Variants in EFL1 observed in about 807,000 individuals in gnomAD.
EFL1 encodes the protein elongation factor like GTPase 1.
Under a neutral mutation model 126.7 loss-of-function variants are expected in EFL1, and 76 were observed. That is an observed-to-expected ratio of 0.60 (90% confidence interval 0.50 to 0.73). The LOEUF (loss-of-function observed/expected upper bound fraction) is 0.73. EFL1 is among the 30% of genes least tolerant of loss of function. EFL1 has a pLI of 0.00. For synonymous variants in EFL1, 410 were observed against 448.4 expected (o/e 0.91, Z 1.08); for missense variants, 1,128 against 1,343.2 (o/e 0.84, Z 2.50).
chr15:82,148,582 G>C (rs1466297147), intron 18 of EFL1, among the ~76,000 whole-genome samples: 1 of 152,096 alleles, frequency 6.6e-6, no homozygotes, highest in African/African-American at 2.4e-5. Context: ...TGAGGAGAAT[G>C]GTGAACAAAC....
At chr15:82,260,767 T>C (rs1388276750) in intron 2 of EFL1, among the ~76,000 whole-genome samples, 1 of 152,216 alleles carries the variant, frequency 6.6e-6, no homozygotes, top group African/African-American at 2.4e-5. Context: ...ACTCAACTCT[T>C]ATCCCAGTTC....
intron 19 of EFL1, among the ~76,000 whole-genome samples, chr15:82,131,826 T>TTTTTTAAAAA (rs1394969058): frequency 6.6e-5 from 10 of 152,082 alleles, no homozygotes; most frequent in Non-Finnish European, 1.5e-4. Flanking sequence ...TTATGTTGTA[T>TTTTTTAAAAA]GAATTTCACC....
At chr15:82,130,840 T>TACAACA (rs61308871) in intron 19 of EFL1, among the ~76,000 whole-genome samples, 4 of 151,084 alleles carry the variant, frequency 2.6e-5, no homozygotes, top group South Asian at 2.1e-4. Flanking sequence ...TCTACTAAAA[T>TACAACA]ACAACAACAA....
At chr15:82,225,060 G>A in intron 12 of EFL1, 105 bp downstream of exon 12, 1 of 730,646 alleles carries the variant, frequency 1.4e-6, no homozygotes, top group South Asian at 2.4e-5. Flanking sequence ...ATTCTGGGTT[G>A]AGGAGGAAAA....
intron 2 of EFL1, among the ~76,000 whole-genome samples, chr15:82,260,566 A>G (rs1244645454): frequency 1.3e-5 from 2 of 152,240 alleles, no homozygotes; most frequent in African/African-American, 4.8e-5. Flanking sequence ...AATAGTAGAC[A>G]TTAATGATCG....
chr15:82,168,068 T>G (rs1177846491), intron 15 of EFL1, among the ~76,000 whole-genome samples: 1 of 152,112 alleles, frequency 6.6e-6, no homozygotes. Context: ...AAGTACAAGC[T>G]CCCCAGGTAG....
Position 82,262,700 on chromosome 15 carries a change from C to T in EFL1, c.-106G>A, listed in dbSNP as rs1381152533. 4.5e-6 allele frequency: 3 copies of T among 659,798 alleles called. No individual in the cohort carries two copies. Among genetic ancestry groups the T allele is most frequent in the Non-Finnish European group, 7.4e-6 (3 of 404,070 alleles). 40.9% of individuals were successfully genotyped at this position (659,798 alleles called of 1,614,324 possible). A position where few individuals can be genotyped will look rare whatever the true frequency, so the allele number is the denominator to read the frequency against. On this transcript the variant is annotated 5_prime_UTR_variant, in exon 1 of 20. Coordinates refer to ENST00000268206, the MANE Select transcript of EFL1 (RefSeq NM_024580.6). ...CCGAAAGTCCGAGAGCTCTGCGGGTCCGACACGCCCGCGCGCCAGGGGGCG... is the reference window on the plus strand; with the variant it reads ...CCGAAAGTCCGAGAGCTCTGCGGGTTCGACACGCCCGCGCGCCAGGGGGCG...
chr15:82,154,674 C>T (rs145227063), intron 17 of EFL1, among the ~76,000 whole-genome samples: 13 of 152,296 alleles, frequency 8.5e-5, no homozygotes, highest in Middle Eastern at 3.4e-3. Context: ...TAACTGCTAT[C>T]CTGATTTTTA....
At chr15:82,157,672 T>C in intron 17 of EFL1, 41 bp downstream of exon 17, 1 of 1,581,832 alleles carries the variant, frequency 6.3e-7, no homozygotes, top group Non-Finnish European at 8.6e-7. Context: ...TCCCATTGAT[T>C]GAGAGCTATC....
At chr15:82,182,446 T>C (rs1037470693) in intron 15 of EFL1, among the ~76,000 whole-genome samples, 3 of 152,180 alleles carry the variant, frequency 2.0e-5, no homozygotes, top group African/African-American at 7.2e-5. Flanking sequence ...AGTAACAGGT[T>C]CCTTTAATGG....
intron 7 of EFL1, among the ~76,000 whole-genome samples, chr15:82,233,069 T>A (rs1385844410): frequency 6.6e-6 from 1 of 152,198 alleles, no homozygotes; most frequent in Non-Finnish European, 1.5e-5. Flanking sequence ...TAAATTATAG[T>A]AAGACATTTG....
chr15:82,175,841 C>T (rs2074189478), intron 15 of EFL1, among the ~76,000 whole-genome samples: 1 of 151,926 alleles, frequency 6.6e-6, no homozygotes, highest in African/African-American at 2.4e-5. Context: ...TTGAAGATTA[C>T]TTAGAAATAA....
chr15:82,261,491 C>T (rs1010112273), intron 2 of EFL1, among the ~76,000 whole-genome samples, 197 bp downstream of exon 2: 12 of 152,168 alleles, frequency 7.9e-5, no homozygotes, highest in African/African-American at 2.9e-4. Flanking sequence ...AAGAATGCTA[C>T]TCACTAGGTA....
intron 15 of EFL1, among the ~76,000 whole-genome samples, chr15:82,181,854 G>A (rs2074255450): frequency 6.6e-6 from 1 of 152,104 alleles, no homozygotes; most frequent in South Asian, 2.1e-4. Flanking sequence ...TTGAAAGCTG[G>A]CTATCACATC....
chr15:82,178,299 C>G (rs2074215461), intron 15 of EFL1, among the ~76,000 whole-genome samples: 1 of 152,156 alleles, frequency 6.6e-6, no homozygotes, highest in Admixed American at 6.5e-5. Flanking sequence ...GCTCTCTGTC[C>G]ACACCAGTTC....
At chr15:82,225,692 C>T (rs2074756039) in intron 11 of EFL1, among the ~76,000 whole-genome samples, 1 of 152,128 alleles carries the variant, frequency 6.6e-6, no homozygotes, top group Non-Finnish European at 1.5e-5. Flanking sequence ...CTTTCCCAAT[C>T]CCCCACAATA....
Position 82,261,876 on chromosome 15 carries a change from G to T in EFL1, c.-19-79C>A, listed in dbSNP as rs558690348. The stretch of plus-strand genomic sequence containing the variant: ...AGAAAAAAATAATAATAAACGCTGG[G>T]AGGTGGCAAGCTTCTCAAACCCCTT... On this transcript the variant is annotated intron_variant, in intron 1 of 19. Transcript: ENST00000268206. 66 of 1,112,752 alleles carry T rather than the reference G, an allele frequency of 5.9e-5. No homozygotes were observed. In the South Asian group the frequency reaches 9.9e-4, roughly 17 times the overall value. 68.9% of individuals were successfully genotyped at this position (1,112,752 alleles called of 1,614,324 possible).
At chr15:82,154,342 T>C (rs2073944504) in intron 17 of EFL1, among the ~76,000 whole-genome samples, 1 of 152,230 alleles carries the variant, frequency 6.6e-6, no homozygotes, top group Non-Finnish European at 1.5e-5. Context: ...TTCTCTGGCC[T>C]GGAGACAATA....
At chr15:82,160,486 A>G (rs1446762857) in intron 16 of EFL1, among the ~76,000 whole-genome samples, 1 of 152,226 alleles carries the variant, frequency 6.6e-6, no homozygotes, top group African/African-American at 2.4e-5. Flanking sequence ...AATCAATATT[A>G]TCTATAATTA....
Sources: gnomAD v4.1 joint callset for allele counts (sites outside exome capture counted in the v4.1 genomes callset) on GRCh38, gnomAD v4.1.1 for gene constraint, MANE v1.5 for transcripts, NCBI Gene and HGNC (gene_info 2026-07-23, HGNC 2026-07-21) for gene names.